Variants in ASTN2 observed in about 807,000 individuals in gnomAD.
The protein encoded by ASTN2 is astrotactin-2.
A neutral mutation model predicts 139.8 loss-of-function variants in ASTN2; 54 were observed. The observed-to-expected ratio is 0.39, with a 90% CI of 0.31 to 0.48. The LOEUF is 0.48. Among genes scored for constraint, ASTN2 ranks in the 20% least tolerant of loss-of-function variants. The probability of loss-of-function intolerance (pLI) is 0.95; values close to 1 mark genes in which losing one functional copy is unlikely to be tolerated. For synonymous variants in ASTN2, 756 were observed against 719.5 expected, an observed-to-expected ratio of 1.05 and a Z score of -0.81; for missense variants, 1,565 against 1,725.1, an observed-to-expected ratio of 0.91 and a Z score of 1.64.
rs989059408 is a variant in ASTN2 at position 116,664,523 on chromosome 9, C to A, written c.2807-12730G>T. Among the ~76,000 whole-genome samples the A allele has an allele frequency of 2.4e-4, 36 of 150,256 alleles. 1 individual carries two copies. Among genetic ancestry groups the A allele is most frequent in the African/African-American group, 8.8e-4 (36 of 41,010 alleles). Reference sequence around the variant, plus strand: ...ACACAATAGTTATCTACAGGGGAAACAAGAAAACAAGGTCCAGGGATAAGA... The same window carrying A: ...ACACAATAGTTATCTACAGGGGAAAAAAGAAAACAAGGTCCAGGGATAAGA... On this transcript the variant is annotated intron_variant, in intron 16 of 22. Coordinates refer to ENST00000313400, the MANE Select transcript of ASTN2 (RefSeq NM_001365068.1).
intron 17 of ASTN2, among the ~76,000 whole-genome samples, chr9:116,630,429 C>A (rs1856690301): frequency 6.6e-6 from 1 of 152,096 alleles, no homozygotes; most frequent in African/African-American, 2.4e-5. Flanking sequence ...TGTCACAAAT[C>A]TAGGAATTAG....
At chr9:117,368,620 G>T (rs1829909569) in intron 1 of ASTN2, among the ~76,000 whole-genome samples, 1 of 152,106 alleles carries the variant, frequency 6.6e-6, no homozygotes, top group African/African-American at 2.4e-5. Flanking sequence ...ATCTTGTACT[G>T]AAAGGTGAAG....
At chr9:117,035,121 G>A (rs1277075433) in intron 6 of ASTN2, among the ~76,000 whole-genome samples, 2 of 152,118 alleles carry the variant, frequency 1.3e-5, no homozygotes, top group African/African-American at 4.8e-5. Flanking sequence ...CAGCACCTGG[G>A]CAGCTTGGAA....
chr9:117,120,939 A>G lies in ASTN2; in HGVS notation c.1168+20387T>C, dbSNP rs548444226. ...GTAACAGTGAGCTAATACAAACTCA[A>G]ACAAATTGTAGGCCCAAGTTTTGCA... On this transcript the variant is annotated intron_variant, in intron 4 of 22. Coordinates refer to ENST00000313400, the MANE Select transcript of ASTN2 (RefSeq NM_001365068.1). 1.7e-4 allele frequency among the ~76,000 whole-genome samples: 26 copies of G among 152,338 alleles called. No individual in the cohort carries two copies. The South Asian group carries it at 5.4e-3, about 32-fold the overall frequency.
intron 5 of ASTN2, among the ~76,000 whole-genome samples, chr9:117,080,653 T>C (rs558911135): frequency 2.0e-5 from 3 of 152,186 alleles, no homozygotes; most frequent in South Asian, 2.1e-4. Context: ...TTATTTTACA[T>C]TGGTTGAAGA....
intron 19 of ASTN2, among the ~76,000 whole-genome samples, chr9:116,574,639 G>A (rs1208757081): frequency 6.6e-6 from 1 of 152,176 alleles, no homozygotes; most frequent in Non-Finnish European, 1.5e-5. Flanking sequence ...GTTTCCTCTT[G>A]AAAAAGAGAT....
chr9:117,188,796 T>C (rs572202721), intron 3 of ASTN2, among the ~76,000 whole-genome samples: 2 of 152,338 alleles, frequency 1.3e-5, no homozygotes, highest in African/African-American at 4.8e-5. Context: ...ATAATGATTC[T>C]ATGGGCTACT....
At position 116,425,571 on chromosome 9, in the gene ASTN2, G is replaced by A. The variant is rs1298670500; in HGVS notation, c.*280C>T. The A allele has an allele frequency of 6.2e-7, 1 of 1,613,228 alleles. No homozygotes were observed. Among genetic ancestry groups the A allele is most frequent in the Non-Finnish European group, 8.5e-7 (1 of 1,179,742 alleles). The stretch of plus-strand genomic sequence containing the variant: ...GAAAACTTCTGCCTCGGGATTGACA[G>A]CCATCCATAAGAAAAGGTTTAAAAA... On this transcript the variant is annotated 3_prime_UTR_variant, in exon 23 of 23. Transcript: ENST00000313400.
At chr9:117,366,655 A>G (rs192009271) in intron 1 of ASTN2, among the ~76,000 whole-genome samples, 8 of 152,134 alleles carry the variant, frequency 5.3e-5, no homozygotes, top group Admixed American at 5.2e-4. Context: ...CCATCTCATG[A>G]CCTCAGTATT....
chr9:116,604,424 C>T (rs1855080042), intron 19 of ASTN2, among the ~76,000 whole-genome samples: 1 of 152,220 alleles, frequency 6.6e-6, no homozygotes, highest in African/African-American at 2.4e-5. Context: ...TGGGTTTATA[C>T]CTCACCCTGT....
intron 15 of ASTN2, among the ~76,000 whole-genome samples, chr9:116,727,018 AC>A (rs1828644896): frequency 6.1e-5 from 1 of 16,452 alleles, no homozygotes; most frequent in Admixed American, 1.3e-3. Context: ...CACTCAACAC[AC>A]ACACACACAC....
At chr9:117,193,159 T>G (rs1390477839) in intron 3 of ASTN2, among the ~76,000 whole-genome samples, 1 of 152,110 alleles carries the variant, frequency 6.6e-6, no homozygotes, top group Non-Finnish European at 1.5e-5. Flanking sequence ...GTAAATGCAA[T>G]CCTGTCTCCC....
intron 6 of ASTN2, among the ~76,000 whole-genome samples, chr9:117,030,665 T>A (rs1312844677): frequency 6.6e-6 from 1 of 152,076 alleles, no homozygotes; most frequent in Non-Finnish European, 1.5e-5. Context: ...CATTTTAACC[T>A]GGGGATCAGT....
At chr9:117,371,448 C>T (rs963783562) in intron 1 of ASTN2, among the ~76,000 whole-genome samples, 4 of 152,156 alleles carry the variant, frequency 2.6e-5, no homozygotes, top group African/African-American at 9.7e-5. Context: ...TGTAAAGTGT[C>T]CTTTCACCTG....
rs1588285746 is a variant in ASTN2, at chr9:116,778,614, C to T, written c.2396+27018G>A. ...AGGATGCAGTGCTAATTAGTCTCTC[C>T]TTCCCCTGATGACTAGCTATAGCTC... On this transcript the variant is annotated intron_variant, in intron 13 of 22. Coordinates refer to ENST00000313400, the MANE Select transcript of ASTN2 (RefSeq NM_001365068.1). 3.3e-5 allele frequency among the ~76,000 whole-genome samples: 5 copies of T among 152,256 alleles called. No homozygotes were observed. In the South Asian group the frequency reaches 1.0e-3, roughly 32 times the overall value.
intron 2 of ASTN2, among the ~76,000 whole-genome samples, chr9:117,222,539 T>G (rs994905516): frequency 1.3e-5 from 2 of 152,190 alleles, no homozygotes; most frequent in Non-Finnish European, 2.9e-5. Flanking sequence ...ATGATGGCAC[T>G]GTGGCTGCCA....
chr9:116,731,178 GTAATAA>G (rs68099311), intron 14 of ASTN2, among the ~76,000 whole-genome samples: 26,163 of 139,874 alleles, frequency 0.19, 2,657 homozygotes, highest in Middle Eastern at 0.27. Flanking sequence ...ATTTTTCCTG[GTAATAA>G]TAATAATAAT....
intron 5 of ASTN2, among the ~76,000 whole-genome samples, chr9:117,075,370 T>A (rs1213359698): frequency 6.6e-6 from 1 of 151,814 alleles, no homozygotes; most frequent in Non-Finnish European, 1.5e-5. Context: ...GGTTTTTAAT[T>A]AGCTGAGAGA....
intron 13 of ASTN2, among the ~76,000 whole-genome samples, chr9:116,759,384 A>G (rs1045772777): frequency 2.0e-5 from 3 of 152,230 alleles, no homozygotes; most frequent in Admixed American, 6.5e-5. Context: ...CAAAACATAC[A>G]TAACCGATTG....
Sources: gnomAD v4.1 joint callset for allele counts (sites outside exome capture counted in the v4.1 genomes callset) on GRCh38, gnomAD v4.1.1 for gene constraint, MANE v1.5 for transcripts, NCBI Gene and HGNC (gene_info 2026-07-23, HGNC 2026-07-21) for gene names.